Variants in ROBO2 observed in about 807,000 individuals in gnomAD.
The protein encoded by ROBO2 is roundabout homolog 2.
ROBO2 carries 53 observed loss-of-function variants against 160.8 expected under a neutral mutation model. That is an observed-to-expected ratio of 0.33 (90% CI 0.26 to 0.41). The LOEUF is 0.41. ROBO2 is among the 10% of genes least tolerant of loss of function. The probability of loss-of-function intolerance (pLI) is 1.00; values close to 1 mark genes in which losing one functional copy is unlikely to be tolerated. For missense variants in ROBO2, 1,577 were observed against 1,722.4 expected, an observed-to-expected ratio of 0.92 and a Z score of 1.49; for synonymous variants, 664 against 611.7, an observed-to-expected ratio of 1.09 and a Z score of -1.26.
At chr3:76,415,213 G>A (rs928817167) in intron 2 of ROBO2, among the ~76,000 whole-genome samples, 4 of 152,068 alleles carry the variant, frequency 2.6e-5, no homozygotes, top group East Asian at 1.9e-4. Context: ...TTCACTTCAC[G>A]GGGTCCCCAT....
chr3:76,400,636 T>A (rs2077757875), intron 2 of ROBO2, among the ~76,000 whole-genome samples: 1 of 151,634 alleles, frequency 6.6e-6, no homozygotes, highest in African/African-American at 2.4e-5. Flanking sequence ...ATCAGAAGGC[T>A]ACATCATCAC....
At chr3:77,602,341 C>G in exon 20 of ROBO2, 3 of 1,614,120 alleles carry the variant, frequency 1.9e-6, no homozygotes, top group Non-Finnish European at 2.5e-6. Flanking sequence ...ACAGGCTACC[C>G]CATATGCCAC....
At chr3:76,135,801 T>A (rs1453545784) in intron 2 of ROBO2, among the ~76,000 whole-genome samples, 1 of 152,098 alleles carries the variant, frequency 6.6e-6, no homozygotes, top group Non-Finnish European at 1.5e-5. Context: ...TAAATAGCAC[T>A]TTACAATTTT....
chr3:76,004,600 A>G (rs1200681782), intron 2 of ROBO2, among the ~76,000 whole-genome samples: 2 of 152,158 alleles, frequency 1.3e-5, no homozygotes, highest in Admixed American at 6.5e-5. Flanking sequence ...CTCGCATTGT[A>G]GAAGGATGGG....
At chr3:76,057,982 G>C (rs1386548520) in intron 2 of ROBO2, among the ~76,000 whole-genome samples, 1 of 152,080 alleles carries the variant, frequency 6.6e-6, no homozygotes, top group Non-Finnish European at 1.5e-5. Flanking sequence ...TGTTTGTGAA[G>C]GGTTATGATT....
At chr3:77,615,165 A>G (rs2094742749) in intron 21 of ROBO2, among the ~76,000 whole-genome samples, 1 of 152,120 alleles carries the variant, frequency 6.6e-6, no homozygotes, top group South Asian at 2.1e-4. Flanking sequence ...GTCCAAAAAA[A>G]TAAATTAAGA....
intron 2 of ROBO2, among the ~76,000 whole-genome samples, chr3:77,111,197 GA>G (rs2073533769): frequency 1.3e-5 from 2 of 151,780 alleles, no homozygotes; most frequent in South Asian, 4.2e-4. Context: ...CCACATATCT[GA>G]AAAAAGCATA....
chr3:77,425,993 C>T (rs562516981), intron 2 of ROBO2, among the ~76,000 whole-genome samples: 1 of 151,890 alleles, frequency 6.6e-6, no homozygotes. Context: ...TGACTAGAAA[C>T]CATGAAAGAA....
intron 2 of ROBO2, among the ~76,000 whole-genome samples, chr3:75,979,946 T>TA (rs1170019410): frequency 2.0e-5 from 3 of 151,684 alleles, no homozygotes; most frequent in Non-Finnish European, 3.0e-5. Context: ...AAAATACCCA[T>TA]AGGAGCCGTG....
At position 77,374,395 on chromosome 3, in the gene ROBO2, T is replaced by A. The variant is rs184634348; in HGVS notation, c.389-103019T>A. Among the ~76,000 whole-genome samples, 257 of 152,186 alleles carry A rather than the reference T, an allele frequency of 1.7e-3. 2 individuals are homozygous for A. Among genetic ancestry groups the A allele is most frequent in the Admixed American group, 2.7e-3 (42 of 15,284 alleles). ...AGGAAAGGAATTGAGAGATTTTTCT[T>A]AGGAAATAGATAACTGTTGACAAGT... On this transcript the variant is annotated intron_variant, in intron 2 of 25. Coordinates refer to ENST00000461745, the Ensembl canonical transcript of ROBO2.
chr3:76,677,083 A>AT (rs1285893951), intron 2 of ROBO2, among the ~76,000 whole-genome samples: 2 of 147,740 alleles, frequency 1.4e-5, no homozygotes, highest in African/African-American at 2.6e-5. Flanking sequence ...GTTTCTAGGC[A>AT]ATTTTTTTTT....
intron 16 of ROBO2, among the ~76,000 whole-genome samples, chr3:77,586,510 C>G (rs1428101745): frequency 6.6e-6 from 1 of 151,974 alleles, no homozygotes; most frequent in Non-Finnish European, 1.5e-5. Flanking sequence ...TTTTTGTCTG[C>G]AAGAACAATG....
chr3:76,817,863 T>C (rs1388362691), intron 2 of ROBO2, among the ~76,000 whole-genome samples: 1 of 150,034 alleles, frequency 6.7e-6, no homozygotes, highest in Non-Finnish European at 1.5e-5. Context: ...TAGTATTTCA[T>C]GGTACATATA....
At chr3:76,774,917 G>A (rs1431103187) in intron 2 of ROBO2, among the ~76,000 whole-genome samples, 1 of 150,148 alleles carries the variant, frequency 6.7e-6, no homozygotes, top group African/African-American at 2.4e-5. Context: ...CTGGCACGAA[G>A]GCTCAAAATA....
At chr3:77,006,691 G>T (rs2061599148) in intron 2 of ROBO2, among the ~76,000 whole-genome samples, 1 of 151,952 alleles carries the variant, frequency 6.6e-6, no homozygotes, top group Admixed American at 6.6e-5. Context: ...GGAATTTAGA[G>T]AAATGATTTT....
chr3:77,132,099 C>T (rs2075900989), intron 2 of ROBO2, among the ~76,000 whole-genome samples: 1 of 151,986 alleles, frequency 6.6e-6, no homozygotes, highest in Non-Finnish European at 1.5e-5. Flanking sequence ...CCATGGCTCA[C>T]TCTTAAAATT....
chr3:76,378,903 C>T (rs139331184), intron 2 of ROBO2, among the ~76,000 whole-genome samples: 126 of 152,312 alleles, frequency 8.3e-4, no homozygotes, highest in African/African-American at 2.9e-3. Context: ...TTGCAGCAAA[C>T]GCTGCTGAAG....
intron 1 of ROBO2, among the ~76,000 whole-genome samples, chr3:75,919,933 C>T: frequency 6.6e-6 from 1 of 151,928 alleles, no homozygotes; most frequent in East Asian, 1.9e-4. Flanking sequence ...CTCTTTTCTT[C>T]CTTATTAGTC....
At chr3:76,911,076 G>C (rs201421965) in intron 2 of ROBO2, among the ~76,000 whole-genome samples, 1 of 152,178 alleles carries the variant, frequency 6.6e-6, no homozygotes, top group East Asian at 1.9e-4. Flanking sequence ...AAACAAGTGA[G>C]AGGAATTCAT....
Sources: gnomAD v4.1 joint callset for allele counts (sites outside exome capture counted in the v4.1 genomes callset) on GRCh38, gnomAD v4.1.1 for gene constraint, MANE v1.5 for transcripts, NCBI Gene and HGNC (gene_info 2026-07-23, HGNC 2026-07-21) for gene names.